Variants in MTFR2 observed in about 807,000 individuals in gnomAD.
MTFR2 encodes the protein mitochondrial fission regulator 2.
A neutral mutation model predicts 41.2 loss-of-function variants in MTFR2; 44 were observed. The ratio of observed to expected loss-of-function variants is 1.07; its 90% CI spans 0.84 to 1.37. MTFR2 has a LOEUF of 1.37. Among genes scored for constraint, MTFR2 ranks in the 40% most tolerant of loss-of-function variants. MTFR2 has a pLI of 0.00. For missense variants in MTFR2, 452 were observed against 459.5 expected, an observed-to-expected ratio of 0.98 and a Z score of 0.15; for synonymous variants, 141 against 154.6, an observed-to-expected ratio of 0.91 and a Z score of 0.65.
chr6:136,231,958 C>T (rs1231484517), intron 7 of MTFR2, among the ~76,000 whole-genome samples: 4 of 151,980 alleles, frequency 2.6e-5, no homozygotes, highest in Non-Finnish European at 4.4e-5. Flanking sequence ...CTCACATTTT[C>T]GGGGGAAAAG....
rs1364065354 is a variant in MTFR2 at position 136,231,154 on chromosome 6, T to C, written c.*121A>G. 7.9e-6 allele frequency: 5 copies of C among 631,222 alleles called. No individual in the cohort carries two copies. The highest frequency in any genetic ancestry group is 1.9e-5 in the African/African-American group (1 of 53,852). The allele number at this position is 631,222 out of a possible 1,614,324, so 39.1% of individuals were successfully genotyped here. A position where few individuals can be genotyped will look rare whatever the true frequency, so the allele number is the denominator to read the frequency against. On this transcript the variant is annotated 3_prime_UTR_variant, in exon 8 of 8. Coordinates refer to ENST00000420702, the MANE Select transcript of MTFR2 (RefSeq NM_001099286.3). ...TTACATAGCAAGTGTAGGCAAAATG[T>C]GTCAAGAAGAGTCTTTAAATACATC...
intron 3 of MTFR2, 55 bp from the exon 4 acceptor site, chr6:136,243,028 C>A: frequency 8.8e-7 from 1 of 1,134,562 alleles, no homozygotes; most frequent in African/African-American, 1.6e-5. Flanking sequence ...CAGGAGAAGA[C>A]ACATGCCCCA....
At position 136,239,771 on chromosome 6, in the gene MTFR2, T is replaced by A. The variant is rs750628982; in HGVS notation, c.564A>T (p.Ser188=). 15 of 1,614,026 alleles carry A rather than the reference T, an allele frequency of 9.3e-6. 1 individual carries two copies. In the South Asian group the frequency reaches 1.6e-4, roughly 18 times the overall value. Reference sequence around the variant, plus strand: ...CCACACTCAGATGGGCAGCCCGCGATGATGACAGCTGACCCAAACTAATGC... The same window carrying A: ...CCACACTCAGATGGGCAGCCCGCGAAGATGACAGCTGACCCAAACTAATGC... ...DERISLGQLS[S]SRAAHLSVDP... Residue 188 remains serine (S), a synonymous_variant, in exon 6 of 8, where the codon TCA becomes TCT. Transcript: ENST00000420702.
rs199752791 is a variant in MTFR2, at chr6:136,236,231, AGAAG to A, written c.870-2736_870-2733del. ...AGGTGTGAGGAGAAGGATGAAGTATAGAAGGAAGACTCAGTGATGCAGAAGGGCT... is the reference window on the plus strand; with the variant it reads ...AGGTGTGAGGAGAAGGATGAAGTATAGAAGACTCAGTGATGCAGAAGGGCT... On this transcript the variant is annotated intron_variant, in intron 6 of 7. Transcript: ENST00000420702. 4.5e-3 allele frequency among the ~76,000 whole-genome samples: 693 copies of A among 152,326 alleles called. 5 individuals carry two copies. Among genetic ancestry groups the A allele is most frequent in the African/African-American group, 0.016 (663 of 41,564 alleles).
intron 2 of MTFR2, among the ~76,000 whole-genome samples, chr6:136,246,970 T>C (rs1016022667): frequency 6.6e-6 from 1 of 152,340 alleles, no homozygotes; most frequent in East Asian, 1.9e-4. Flanking sequence ...TACCTGCAAG[T>C]GACCTTGTCT....
At chr6:136,242,751 C>A in intron 4 of MTFR2, 110 bp downstream of exon 4, 1 of 742,688 alleles carries the variant, frequency 1.3e-6, no homozygotes. Context: ...TAGGGCACAG[C>A]ACAGTTTGAA....
At chr6:136,236,241 C>T (rs542319752) in intron 6 of MTFR2, among the ~76,000 whole-genome samples, 3 of 152,198 alleles carry the variant, frequency 2.0e-5, no homozygotes, top group Non-Finnish European at 2.9e-5. Context: ...AGAAGGAAGA[C>T]TCAGTGATGC....
intron 6 of MTFR2, 109 bp downstream of exon 6, chr6:136,239,357 A>G (rs1779986959): frequency 6.3e-6 from 5 of 793,600 alleles, no homozygotes; most frequent in Non-Finnish European, 7.8e-6. Flanking sequence ...TTCAGGGGTG[A>G]AGAAGAATAA....
chr6:136,232,292 G>T (rs1779782561), intron 7 of MTFR2, among the ~76,000 whole-genome samples: 1 of 151,796 alleles, frequency 6.6e-6, no homozygotes, highest in Admixed American at 6.6e-5. Flanking sequence ...CTCTAGCTCT[G>T]TCGCCAGGCT....
At chr6:136,234,597 AG>A (rs1779856770) in intron 6 of MTFR2, among the ~76,000 whole-genome samples, 1 of 152,166 alleles carries the variant, frequency 6.6e-6, no homozygotes, top group South Asian at 2.1e-4. Flanking sequence ...TGGCTCCTGG[AG>A]GGGCCTACGG....
intron 2 of MTFR2, among the ~76,000 whole-genome samples, chr6:136,247,115 C>CAAGGCAA (rs2128459565): frequency 6.6e-6 from 1 of 152,266 alleles, no homozygotes; most frequent in South Asian, 2.1e-4. Flanking sequence ...TTCGGAAGGC[C>CAAGGCAA]AAGGCAGGTG....
chr6:136,235,039 G>A (rs1336419946), intron 6 of MTFR2, among the ~76,000 whole-genome samples: 1 of 152,140 alleles, frequency 6.6e-6, no homozygotes, highest in Non-Finnish European at 1.5e-5. Context: ...ACAGGTGTGC[G>A]CCATCATGTC....
intron 2 of MTFR2, chr6:136,247,505 T>C (rs1780241650): frequency 2.2e-6 from 1 of 456,162 alleles, no homozygotes; most frequent in East Asian, 6.9e-5. Flanking sequence ...GGATCTTAAA[T>C]TTCTTCCTGT....
chr6:136,242,719 C>T, intron 4 of MTFR2, 142 bp downstream of exon 4: 1 of 550,020 alleles, frequency 1.8e-6, no homozygotes. Context: ...AGCAGCCAGT[C>T]TTCTTTATTA....
At chr6:136,241,045 C>T (rs1211451852) in intron 5 of MTFR2, among the ~76,000 whole-genome samples, 1 of 149,624 alleles carries the variant, frequency 6.7e-6, no homozygotes, top group Non-Finnish European at 1.5e-5. Flanking sequence ...GAGCCAAGAT[C>T]GTGCCACTGC....
rs148381411 is a variant in MTFR2, at chr6:136,246,265, G to A, written c.64-1396C>T. ...GCCCCTGGCCATCTTCACCATTTTC[G>A]TTGTTGTTGTTGTTTGCTTTTTGAG... On this transcript the variant is annotated intron_variant, in intron 2 of 7. Transcript: ENST00000420702. Among the ~76,000 whole-genome samples, 376 of 150,680 alleles carry A rather than the reference G, an allele frequency of 2.5e-3. 7 individuals are homozygous for A. Among genetic ancestry groups the A allele is most frequent in the Non-Finnish European group, 6.5e-4 (44 of 67,584 alleles).
At position 136,242,880 on chromosome 6, in the gene MTFR2, C is replaced by T. The variant is rs751278670; in HGVS notation, c.262G>A (p.Ala88Thr). The T allele has an allele frequency of 7.4e-6, 12 of 1,612,364 alleles. No homozygotes were observed. The Admixed American group carries it at 2.0e-4, about 27-fold the overall frequency. ...DILYVANDEE[A>T]SYLRFRNSIW... ...AATTACCGAAATCTGAGATAACTGG[C>T]TTCTTCATCATTTGCCACATACAAA... Residue 88 changes from alanine (A) to threonine (T), a missense_variant, in exon 4 of 8, where the codon GCC (alanine) becomes ACC (threonine). By Grantham distance (58) the Ala-to-Thr change is moderately conservative (BLOSUM62 0). Transcript: ENST00000420702.
chr6:136,241,041 A>G (rs554417997), intron 5 of MTFR2, among the ~76,000 whole-genome samples: 2 of 151,682 alleles, frequency 1.3e-5, no homozygotes, highest in Non-Finnish European at 2.9e-5. Context: ...CAGTGAGCCA[A>G]GATCGTGCCA....
At chr6:136,241,296 C>A in intron 5 of MTFR2, 148 bp downstream of exon 5, 1 of 608,602 alleles carries the variant, frequency 1.6e-6, no homozygotes, top group Non-Finnish European at 2.8e-6. Context: ...TTTCATGGTA[C>A]TTATTCAGAA....
Sources: gnomAD v4.1 joint callset for allele counts (sites outside exome capture counted in the v4.1 genomes callset) on GRCh38, gnomAD v4.1.1 for gene constraint, MANE v1.5 for transcripts, NCBI Gene and HGNC (gene_info 2026-07-23, HGNC 2026-07-21) for gene names.